WRAP53: variants seen among roughly 807,000 people sequenced by gnomAD.
WRAP53 encodes the protein WD repeat containing antisense to TP53, also known as telomerase Cajal body protein 1.
WRAP53 carries 28 observed loss-of-function variants against 56.6 expected under a neutral mutation model. The observed-to-expected ratio is 0.50, with a 90% CI of 0.37 to 0.68. The LOEUF (loss-of-function observed/expected upper bound fraction) is 0.68. Among genes scored for constraint, WRAP53 ranks in the 30% least tolerant of loss-of-function variants. The probability of loss-of-function intolerance (pLI) is 0.00; values close to 1 mark genes in which losing one functional copy is unlikely to be tolerated. For missense variants in WRAP53, 671 were observed against 715.5 expected (o/e 0.94, Z 0.71); for synonymous variants, 283 against 283.4 (o/e 1.00, Z 0.01).
upstream of WRAP53, chr17:7,687,486 T>C (rs2074028070): frequency 2.5e-6 from 1 of 398,600 alleles, no homozygotes; most frequent in Non-Finnish European, 4.4e-6. Context: ...CTCTAGACTT[T>C]TGAGAAGCTC....
At chr17:7,698,089 A>G (rs886254061) in intron 4 of WRAP53, among the ~76,000 whole-genome samples, 3 of 151,956 alleles carry the variant, frequency 2.0e-5, no homozygotes, top group African/African-American at 7.3e-5. Flanking sequence ...TAGAATAGAG[A>G]CTCTTATACA....
upstream of WRAP53, chr17:7,687,444 A>C (rs2074026529): frequency 2.5e-6 from 1 of 398,558 alleles, no homozygotes. Flanking sequence ...GTGTCCCCGG[A>C]GCCCAGCAGC....
At chr17:7,700,529 T>C (rs2074259713) in intron 4 of WRAP53, among the ~76,000 whole-genome samples, 1 of 150,322 alleles carries the variant, frequency 6.7e-6, no homozygotes. Context: ...TGGTGGTGCA[T>C]GCTCTGTCTC....
In WRAP53 at chr17:7,700,415, C is replaced by T. The variant is rs182421360; in HGVS notation, c.643-326C>T. Among the ~76,000 whole-genome samples, 383 of 151,424 alleles carry T rather than the reference C, an allele frequency of 2.5e-3. 3 individuals carry two copies. Among genetic ancestry groups the T allele is most frequent in the African/African-American group, 8.8e-3 (365 of 41,256 alleles). On this transcript the variant is annotated intron_variant, in intron 4 of 10. Transcript: ENST00000396463. ...ATCCCAGCACTTTTGGAGGCTGAGG[C>T]GGGTGGATCACCTGAGGTCAGAAGT... is the stretch of plus-strand genomic sequence containing the variant.
At position 7,689,266 on chromosome 17, in the gene WRAP53, T is replaced by A; in HGVS notation, c.474T>A (p.Ser158Arg). The change falls in exon 3 of 11, where the codon AGT (serine) becomes AGA (arginine). Residue 158 changes from serine (S) to arginine (R), a missense_variant. Ser to Arg is a moderately radical substitution (Grantham distance 110). Around this residue, in one of 3 missense-constraint regions of WRAP53, gnomAD observed 406 missense variants for 418.5 expected, o/e 0.97. Transcript: ENST00000396463. Reference sequence around the variant, plus strand: ...TCTCCCAGCTGCCTCGATTTCTCAGTGGTTCCTGGTCAGAGTTCAGCACCC... The same window carrying A: ...TCTCCCAGCTGCCTCGATTTCTCAGAGGTTCCTGGTCAGAGTTCAGCACCC... ...YSFSQLPRFLSGSWSEFSTQP... is the reference protein window; with the variant it reads ...YSFSQLPRFLRGSWSEFSTQP... The A allele has an allele frequency of 6.2e-7, 1 of 1,614,090 alleles. No individual in the cohort carries two copies. The highest frequency in any genetic ancestry group is 1.1e-5 in the South Asian group (1 of 91,070).
At chr17:7,696,290 A>ATTTTTTTT (rs35901058) in intron 4 of WRAP53, among the ~76,000 whole-genome samples, 3 of 79,924 alleles carry the variant, frequency 3.8e-5, no homozygotes, top group African/African-American at 1.6e-4. Context: ...GGACTCAGAG[A>ATTTTTTTT]TTTTTTTTTT....
At chr17:7,692,518 G>A (rs1236996786) in intron 4 of WRAP53, among the ~76,000 whole-genome samples, 1 of 148,266 alleles carries the variant, frequency 6.7e-6, no homozygotes, top group Non-Finnish European at 1.5e-5. Context: ...CTACTCTGGA[G>A]TCTGAGGCAG....
chr17:7,696,285 C>A (rs1208607288), intron 4 of WRAP53, among the ~76,000 whole-genome samples: 1 of 136,520 alleles, frequency 7.3e-6, no homozygotes, highest in Non-Finnish European at 1.5e-5. Context: ...TGGCGGGACT[C>A]AGAGATTTTT....
In WRAP53 at chr17:7,700,757, T is replaced by C. The variant is rs774944601; in HGVS notation, c.659T>C (p.Met220Thr). ...EYAEMVPVLR[M>T]VEGDTIYDYC... ...TCTGTATAGGTCCCTGTCCTTCGAA[T>C]GGTGGAAGGTGATACCATCTATGAT... The change falls in exon 5 of 11, where the codon ATG (methionine) becomes ACG (threonine). Residue 220 changes from methionine (M) to threonine (T), a missense_variant. Physicochemically the swap from Met to Thr is moderately conservative, Grantham distance 81. Transcript: ENST00000396463. The C allele has an allele frequency of 2.5e-6, 4 of 1,612,498 alleles. No homozygotes were observed. Among genetic ancestry groups the C allele is most frequent in the South Asian group, 1.1e-5 (1 of 91,056 alleles).
rs1166705311 is a variant in WRAP53 at position 7,703,140 on chromosome 17, A to T, written c.1403+13A>T. On this transcript the variant is annotated intron_variant, in intron 10 of 10. Coordinates refer to ENST00000396463, the MANE Select transcript of WRAP53 (RefSeq NM_001143992.2). ...CCAATGGCGTGAGGTCCTCAGTTCA[A>T]TTCCAGAGATGTTGGGGCTTGGGTT... 1 of 1,614,020 alleles carries T rather than the reference A, an allele frequency of 6.2e-7. No individual in the cohort carries two copies. The highest frequency in any genetic ancestry group is 1.3e-5 in the African/African-American group (1 of 75,040).
Position 7,702,927 on chromosome 17 carries a change from T to C in WRAP53, c.1269-66T>C. The C allele has an allele frequency of 6.2e-7, 1 of 1,612,920 alleles. No individual in the cohort carries two copies. Reference sequence around the variant, plus strand: ...AGCCCAGCTGTAGGGTCCCAGTCCCTGGGTGTGAGGGGTTCCTGCCCCAGG... The same window carrying C: ...AGCCCAGCTGTAGGGTCCCAGTCCCCGGGTGTGAGGGGTTCCTGCCCCAGG... On this transcript the variant is annotated intron_variant, in intron 9 of 10. Coordinates refer to ENST00000396463, the MANE Select transcript of WRAP53 (RefSeq NM_001143992.2). The surrounding 1 kb of genome is among the most constrained non-coding windows in gnomAD (Gnocchi z 5.0).
chr17:7,703,432 C>G lies in WRAP53; in HGVS notation c.1593C>G (p.His531Gln). The change falls in exon 11 of 11, where the codon CAC becomes CAG. Residue 531 changes from histidine to glutamine, a missense_variant. Around this residue, in one of 3 missense-constraint regions of WRAP53, gnomAD observed 107 missense variants for 81.3 expected, o/e 1.32. Coordinates refer to ENST00000396463, the MANE Select transcript of WRAP53 (RefSeq NM_001143992.2). ...CAGACTCCAGCATCCCTGATGATCA[C>G]CAGGGCGAGAAAGGGCAGGGAGGAA... ...GAPDSSIPDD[H>Q]QGEKGQGGTE... 6.2e-7 allele frequency: 1 copy of G among 1,611,502 alleles called. No individual in the cohort carries two copies. Among genetic ancestry groups the G allele is most frequent in the Non-Finnish European group, 8.5e-7 (1 of 1,178,800 alleles).
intron 4 of WRAP53, among the ~76,000 whole-genome samples, chr17:7,690,387 C>T (rs1003799328): frequency 6.6e-6 from 1 of 152,002 alleles, no homozygotes; most frequent in Non-Finnish European, 1.5e-5. Flanking sequence ...AGCATCAGGA[C>T]CAAGATGATG....
chr17:7,687,764 G>A, upstream of WRAP53: 1 of 397,220 alleles, frequency 2.5e-6, no homozygotes, highest in Non-Finnish European at 4.4e-6. Flanking sequence ...AATCATTTTG[G>A]AGGAATCCTG....
In WRAP53 at chr17:7,688,784, G is replaced by A. The variant is rs1327193044; in HGVS notation, c.136G>A (p.Glu46Lys). Reference protein sequence around the residue: ...ADSELMPPPPERGDPPRLSPD... With the variant: ...ADSELMPPPPKRGDPPRLSPD... ...CTCTGAACTGATGCCACCGCCTCCC[G>A]AAAGGGGGGATCCGCCCCGGTTGTC... Residue 46 changes from glutamate to lysine, a missense_variant, in exon 2 of 11, where the codon GAA (glutamate) becomes AAA (lysine). This residue lies in a region of WRAP53 where 406 missense variants were observed against 418.5 expected (regional missense o/e 0.97). Coordinates refer to ENST00000396463, the MANE Select transcript of WRAP53 (RefSeq NM_001143992.2). 3.1e-6 allele frequency: 5 copies of A among 1,614,150 alleles called. No homozygotes were observed. The highest frequency in any genetic ancestry group is 1.7e-5 in the Admixed American group (1 of 60,002).
chr17:7,689,355 C>A, intron 3 of WRAP53, 33 bp downstream of exon 3: 1 of 1,602,736 alleles, frequency 6.2e-7, no homozygotes, highest in East Asian at 2.2e-5. Flanking sequence ...GAGCTGACCA[C>A]CCCCGAGATT....
At chr17:7,688,626 C>G (rs750344241) in intron 1 of WRAP53, 22 bp from the exon 2 acceptor site, 15 of 1,613,896 alleles carry the variant, frequency 9.3e-6, no homozygotes, top group Non-Finnish European at 1.3e-5. Flanking sequence ...TGAGGCTAAT[C>G]TCCGCTGTGC....
At position 7,701,393 on chromosome 17, in the gene WRAP53, C is replaced by T. The variant is rs1353057263; in HGVS notation, c.732-66C>T. 4.5e-6 allele frequency: 7 copies of T among 1,570,390 alleles called. No homozygotes were observed. Among genetic ancestry groups the T allele is most frequent in the Middle Eastern group, 1.7e-4 (1 of 5,894 alleles). On this transcript the variant is annotated intron_variant, in intron 5 of 10. Coordinates refer to ENST00000396463, the MANE Select transcript of WRAP53 (RefSeq NM_001143992.2). The surrounding 1 kb of genome is among the most constrained non-coding windows in gnomAD (Gnocchi z 4.2). ...GTGCTGGGATTACAGGCATGAGCCACTGTGCCCGGCCATTCCTCCCCTTCC... is the reference window on the plus strand; with the variant it reads ...GTGCTGGGATTACAGGCATGAGCCATTGTGCCCGGCCATTCCTCCCCTTCC...
Position 7,688,517 on chromosome 17 carries a change from T to G in WRAP53, c.-46T>G, listed in dbSNP as rs1160042200. The stretch of plus-strand genomic sequence containing the variant: ...ATTGGCGTCCGCTGTTCGCCTCTCC[T>G]CCCGGGAGTCTTCTGCCTACTCCCA... On this transcript the variant is annotated 5_prime_UTR_variant, in exon 1 of 11. Transcript: ENST00000396463. 2.1e-6 allele frequency: 2 copies of G among 975,146 alleles called. No homozygotes were observed. Among genetic ancestry groups the G allele is most frequent in the Non-Finnish European group, 3.0e-6 (2 of 659,994 alleles). 60.4% of individuals were successfully genotyped at this position (975,146 alleles called of 1,614,324 possible).
Sources: gnomAD v4.1 joint callset for allele counts (sites outside exome capture counted in the v4.1 genomes callset) on GRCh38, gnomAD v4.1.1 for gene constraint, gnomAD v4.1.1 regional missense constraint, Gnocchi (gnomAD v3.1) non-coding constraint, MANE v1.5 for transcripts, NCBI Gene and HGNC (gene_info 2026-07-23, HGNC 2026-07-21) for gene names.